Variants in PRKDC observed in about 807,000 individuals in gnomAD.
The protein encoded by PRKDC is protein kinase, DNA-activated, catalytic subunit, also known as DNA-dependent protein kinase catalytic subunit.
Under a neutral mutation model 486.9 loss-of-function variants are expected in PRKDC, and 82 were observed. The ratio of observed to expected loss-of-function variants is 0.17; its 90% CI spans 0.14 to 0.20. The LOEUF is 0.20. Ranked by LOEUF, PRKDC falls within the 10% of genes least tolerant of loss-of-function variation. The probability of loss-of-function intolerance (pLI) is 1.00; values close to 1 mark genes in which losing one functional copy is unlikely to be tolerated. For synonymous variants in PRKDC, 1,895 were observed against 1,837.0 expected, an observed-to-expected ratio of 1.03 and a Z score of -0.81; for missense variants, 4,504 against 5,038.2, an observed-to-expected ratio of 0.89 and a Z score of 3.21.
chr8:47,836,214 G>T, intron 58 of PRKDC, 124 bp downstream of exon 58: 3 of 990,778 alleles, frequency 3.0e-6, no homozygotes, highest in Non-Finnish European at 4.1e-6. Context: ...ATCTTCCTTG[G>T]GTTCTTAACG....
intron 22 of PRKDC, among the ~76,000 whole-genome samples, chr8:47,917,074 T>C (rs533929727): frequency 6.6e-6 from 1 of 152,066 alleles, no homozygotes; most frequent in East Asian, 1.9e-4. Context: ...TGGGCAACAA[T>C]GCAAAACCCA....
At chr8:47,897,996 G>A (rs1194628218) in intron 29 of PRKDC, among the ~76,000 whole-genome samples, 1 of 152,134 alleles carries the variant, frequency 6.6e-6, no homozygotes, top group African/African-American at 2.4e-5. Context: ...ATGGAATAAG[G>A]GCAAAAACTG....
In PRKDC at chr8:47,788,994, T is replaced by A; in HGVS notation, c.10814A>T (p.Asn3605Ile). 1 of 1,611,510 alleles carries A rather than the reference T, an allele frequency of 6.2e-7. No individual in the cohort carries two copies. Among genetic ancestry groups the A allele is most frequent in the Non-Finnish European group, 8.5e-7 (1 of 1,178,634 alleles). Reference protein sequence around the residue: ...ELAKTPVNKKNIEKMYERMYA... With the variant: ...ELAKTPVNKKIIEKMYERMYA... ...CATTCTTTCATACATTTTTTCAATG[T>A]TTTTTTTATTTACAGGGGTTTTTGC... Residue 3605 changes from asparagine to isoleucine, a missense_variant, in exon 76 of 86, where the codon AAC becomes ATC. Asn to Ile is a moderately radical substitution (Grantham distance 149, BLOSUM62 -3). Coordinates refer to ENST00000314191, the MANE Select transcript of PRKDC (RefSeq NM_006904.7).
chr8:47,833,074 C>A (rs537100211), intron 59 of PRKDC, among the ~76,000 whole-genome samples: 19 of 152,318 alleles, frequency 1.2e-4, no homozygotes, highest in African/African-American at 4.6e-4. Flanking sequence ...TGCTGCTGAC[C>A]CCATTCTCAG....
At chr8:47,930,137 G>C in intron 17 of PRKDC, 125 bp from the exon 18 acceptor site, 1 of 789,156 alleles carries the variant, frequency 1.3e-6, no homozygotes, top group Non-Finnish European at 2.0e-6. Flanking sequence ...ATCCTAAAAT[G>C]TTTAGTTATA....
At position 47,857,168 on chromosome 8, in the gene PRKDC, C is replaced by G; in HGVS notation, c.6597G>C (p.Leu2199Phe). 3 of 1,613,498 alleles carry G rather than the reference C, an allele frequency of 1.9e-6. No homozygotes were observed. Among genetic ancestry groups the G allele is most frequent in the Non-Finnish European group, 2.5e-6 (3 of 1,179,714 alleles). ...IVATILSWTGLATPTGVPKDE... is the reference protein window; with the variant it reads ...IVATILSWTGFATPTGVPKDE... ...CATCAATCCTTACTGTTGGAGTGGC[C>G]AAGCCTGTCCATGAAAGAATAGTGG... is the stretch of plus-strand genomic sequence containing the variant. The change falls in exon 49 of 86, where the codon TTG becomes TTC. Residue 2199 changes from leucine to phenylalanine, a missense_variant. By Grantham distance (22) the Leu-to-Phe change is conservative. Transcript: ENST00000314191.
intron 68 of PRKDC, among the ~76,000 whole-genome samples, chr8:47,815,039 G>A (rs540203445): frequency 3.0e-4 from 46 of 152,172 alleles, no homozygotes; most frequent in African/African-American, 9.9e-4. Flanking sequence ...GGTGGCGCAC[G>A]CCTGTGGTCC....
chr8:47,957,705 G>A (rs1240410605), intron 1 of PRKDC, among the ~76,000 whole-genome samples: 2 of 151,808 alleles, frequency 1.3e-5, no homozygotes, highest in Non-Finnish European at 1.5e-5. Flanking sequence ...TAGTAGAGAC[G>A]GGGTTTCACC....
At chr8:47,820,151 G>A (rs549233611) in intron 66 of PRKDC, among the ~76,000 whole-genome samples, 6 of 152,270 alleles carry the variant, frequency 3.9e-5, no homozygotes, top group East Asian at 3.9e-4. Context: ...GTTGGCTCAC[G>A]TCTGTAATCC....
At chr8:47,837,441 G>T in intron 56 of PRKDC, 22 bp from the exon 57 acceptor site, 1 of 1,549,050 alleles carries the variant, frequency 6.5e-7, no homozygotes, top group Non-Finnish European at 8.9e-7. Flanking sequence ...AGAGAAAAAA[G>T]TATATTGCTT....
chr8:47,839,085 CTA>C, intron 56 of PRKDC, 61 bp downstream of exon 56: 1 of 1,282,560 alleles, frequency 7.8e-7, no homozygotes. Context: ...GAAAAATACT[CTA>C]TGCTACCTTT....
chr8:47,859,050 A>G, intron 46 of PRKDC, 64 bp from the exon 47 acceptor site: 3 of 1,573,202 alleles, frequency 1.9e-6, no homozygotes, highest in Non-Finnish European at 2.6e-6. Context: ...AAGGCAGTGG[A>G]TGTGGGAGGC....
At chr8:47,933,907 C>A in intron 15 of PRKDC, 58 bp downstream of exon 15, 1 of 1,511,040 alleles carries the variant, frequency 6.6e-7, no homozygotes, top group Non-Finnish European at 9.0e-7. Flanking sequence ...TATGTCTAAA[C>A]TATGGAGACT....
At chr8:47,934,151 C>T in intron 14 of PRKDC, 61 bp from the exon 15 acceptor site, 6 of 1,509,182 alleles carry the variant, frequency 4.0e-6, no homozygotes, top group Non-Finnish European at 5.3e-6. Flanking sequence ...GCACTGCTGC[C>T]AGAACATGCT....
chr8:47,788,852 A>G (rs2086836909), intron 76 of PRKDC, 54 bp downstream of exon 76: 3 of 1,449,110 alleles, frequency 2.1e-6, no homozygotes, highest in Admixed American at 4.9e-5. Context: ...TAATGTAACT[A>G]TTGACTGTCA....
chr8:47,951,188 T>C (rs1214426014), intron 7 of PRKDC, among the ~76,000 whole-genome samples: 2 of 151,912 alleles, frequency 1.3e-5, no homozygotes, highest in African/African-American at 2.4e-5. Context: ...GGGGAAACCA[T>C]GTCTCTTCAA....
At chr8:47,933,347 AATT>A (rs2090290278) in intron 15 of PRKDC, among the ~76,000 whole-genome samples, 175 bp from the exon 16 acceptor site, 1 of 152,168 alleles carries the variant, frequency 6.6e-6, no homozygotes, top group Non-Finnish European at 1.5e-5. Flanking sequence ...TACCTTCCTA[AATT>A]ATTATAACAG....
At chr8:47,801,092 G>C (rs2087098962) in intron 70 of PRKDC, 106 bp from the exon 71 acceptor site, 1 of 1,154,028 alleles carries the variant, frequency 8.7e-7, no homozygotes. Context: ...TTGTTTTTGG[G>C]ATAGGGTCTC....
At chr8:47,813,228 C>T (rs1270283559) in intron 68 of PRKDC, among the ~76,000 whole-genome samples, 1 of 151,942 alleles carries the variant, frequency 6.6e-6, no homozygotes, top group Non-Finnish European at 1.5e-5. Context: ...AGTGATTCTC[C>T]TACCTCAGCC....
Sources: allele counts gnomAD v4.1 joint callset (sites outside exome capture counted in the v4.1 genomes callset), GRCh38; gene constraint gnomAD v4.1.1; transcripts MANE v1.5; gene names NCBI Gene and HGNC (gene_info 2026-07-23, HGNC 2026-07-21).